The following NPM2 variants were observed in gnomAD, a reference collection of about 807,000 sequenced individuals.
The protein encoded by NPM2 is nucleophosmin/nucleoplasmin 2, also known as nucleoplasmin-2.
A neutral mutation model predicts 32.0 loss-of-function variants in NPM2; 25 were observed. The ratio of observed to expected loss-of-function variants is 0.78; its 90% CI spans 0.57 to 1.09. The LOEUF is 1.09. Among genes scored for constraint, NPM2 ranks in the 50% least tolerant of loss-of-function variants. The pLI, the probability that NPM2 is intolerant of heterozygous loss-of-function variation, is 0.00. For missense variants in NPM2, 282 were observed against 259.9 expected (o/e 1.08, Z -0.58); for synonymous variants, 111 against 94.2 (o/e 1.18, Z -1.04).
intron 5 of NPM2, among the ~76,000 whole-genome samples, chr8:22,030,448 C>G (rs926030797): frequency 7.2e-5 from 11 of 151,868 alleles, no homozygotes; most frequent in African/African-American, 2.7e-4. Flanking sequence ...CTATGTTATC[C>G]AGGCTGGTTT....
intron 8 of NPM2, 168 bp from the exon 9 acceptor site, chr8:22,036,325 C>T: frequency 1.7e-6 from 1 of 595,910 alleles, no homozygotes; most frequent in Non-Finnish European, 3.0e-6. Flanking sequence ...TATGCGTATG[C>T]ATGCACACGC....
intron 5 of NPM2, among the ~76,000 whole-genome samples, chr8:22,031,695 C>G (rs553805974): frequency 9.2e-5 from 14 of 152,326 alleles, no homozygotes; most frequent in African/African-American, 3.4e-4. Flanking sequence ...ATCCGCCTGC[C>G]TTGGCCTCCC....
chr8:22,026,153 T>C (rs1800244877), intron 5 of NPM2, among the ~76,000 whole-genome samples: 1 of 152,086 alleles, frequency 6.6e-6, no homozygotes, highest in South Asian at 2.1e-4. Flanking sequence ...AACCCTATGG[T>C]AAGCTGTGCG....
At chr8:22,033,625 C>T (rs970377316) in intron 6 of NPM2, among the ~76,000 whole-genome samples, 5 of 152,180 alleles carry the variant, frequency 3.3e-5, no homozygotes, top group African/African-American at 1.2e-4. Flanking sequence ...CTTCAAGGTC[C>T]CTTCAACTGG....
intron 3 of NPM2, 52 bp downstream of exon 3, chr8:22,025,358 C>A (rs770967313): frequency 6.2e-7 from 1 of 1,600,350 alleles, no homozygotes; most frequent in East Asian, 2.2e-5. Flanking sequence ...CTCCGGTGCG[C>A]GGCAGCTTGG....
rs1800151425 is a variant in NPM2 at position 22,024,223 on chromosome 8, C to T, written c.-541C>T. 6.6e-6 allele frequency: 1 copy of T among 152,488 alleles called. No individual in the cohort carries two copies. Among genetic ancestry groups the T allele is most frequent in the Non-Finnish European group, 1.5e-5 (1 of 68,182 alleles). 9.4% of individuals were successfully genotyped at this position (152,488 alleles called of 1,614,324 possible). Reference sequence around the variant, plus strand: ...CGCTGCGGCTCTCCGCGGGAGATCTCACCGTTCTGGAGACAGGGCTCGCTC... The same window carrying T: ...CGCTGCGGCTCTCCGCGGGAGATCTTACCGTTCTGGAGACAGGGCTCGCTC... On this transcript the variant is annotated 5_prime_UTR_variant, in exon 1 of 10. Coordinates refer to ENST00000518119, the MANE Select transcript of NPM2 (RefSeq NM_001286680.2).
rs1800171945 is a variant in NPM2, at chr8:22,024,715, C to G, written c.-140-9C>G. ...CGACTAATTGGACACCTGCCCTTCCCCTTCCCAGGCTTCTTAGCCCGGGCT... is the reference window on the plus strand; with the variant it reads ...CGACTAATTGGACACCTGCCCTTCCGCTTCCCAGGCTTCTTAGCCCGGGCT... On this transcript the variant is annotated splice_polypyrimidine_tract_variant and intron_variant, in intron 1 of 9. Transcript: ENST00000518119. 1 of 152,812 alleles carries G rather than the reference C, an allele frequency of 6.5e-6. No individual in the cohort carries two copies. The allele number at this position is 152,812 out of a possible 1,614,324, so 9.5% of individuals were successfully genotyped here.
chr8:22,025,758 T>C lies in NPM2; in HGVS notation c.256T>C (p.Ser86Pro). ...GGTCACCATTGCCTCACTCCAGGCC[T>C]CAGTCCTCCCCATGGTGCGCATTTC... ...QPVTIASLQA[S>P]VLPMVSMVGV... Residue 86 changes from serine to proline, a missense_variant, in exon 5 of 10, where the codon TCA becomes CCA. Physicochemically the swap from Ser to Pro is moderately conservative, Grantham distance 74 (BLOSUM62 -1). Coordinates refer to ENST00000518119, the MANE Select transcript of NPM2 (RefSeq NM_001286680.2). 6.2e-7 allele frequency: 1 copy of C among 1,614,086 alleles called. No individual in the cohort carries two copies. Among genetic ancestry groups the C allele is most frequent in the Non-Finnish European group, 8.5e-7 (1 of 1,180,000 alleles).
At chr8:22,033,517 G>T (rs1390060940) in intron 6 of NPM2, among the ~76,000 whole-genome samples, 1 of 152,120 alleles carries the variant, frequency 6.6e-6, no homozygotes, top group African/African-American at 2.4e-5. Flanking sequence ...CCAGCACTAG[G>T]GAACCACTGT....
At chr8:22,033,264 T>G in intron 6 of NPM2, 41 bp downstream of exon 6, 1 of 1,491,650 alleles carries the variant, frequency 6.7e-7, no homozygotes. Flanking sequence ...GTGAGTACCG[T>G]GCTAGGCAGG....
Position 22,025,640 on chromosome 8 carries a change from C to T in NPM2, c.145-7C>T, listed in dbSNP as rs533489459. ...GATGAGGGGCCTCTATTTTCAACCCCGCTCAGATTTGCTTGGGGGAGAAAG... is the reference window on the plus strand; with the variant it reads ...GATGAGGGGCCTCTATTTTCAACCCTGCTCAGATTTGCTTGGGGGAGAAAG... On this transcript the variant is annotated splice_region_variant and splice_polypyrimidine_tract_variant and intron_variant, in intron 4 of 9. Coordinates refer to ENST00000518119, the MANE Select transcript of NPM2 (RefSeq NM_001286680.2). The T allele has an allele frequency of 6.8e-6, 11 of 1,614,190 alleles. No homozygotes were observed. The East Asian group carries it at 2.0e-4, about 29-fold the overall frequency.
chr8:22,034,525 AAAG>A lies in NPM2; in HGVS notation c.555_557del (p.Glu187del), dbSNP rs770395794. The A allele has an allele frequency of 2.2e-5, 36 of 1,612,300 alleles. 1 individual carries two copies. The African/African-American group carries it at 2.9e-4, about 13-fold the overall frequency. On this transcript the variant is annotated inframe_deletion, in exon 8 of 10. Transcript: ENST00000518119. ...TGGTTCCCAGAAAAAAAAGCTGGAA[AAAG>A]AAGAAGAGGAAATAAGGTAACTCTT...
chr8:22,031,966 T>G (rs1227100775), intron 5 of NPM2, among the ~76,000 whole-genome samples: 1 of 152,254 alleles, frequency 6.6e-6, no homozygotes, highest in African/African-American at 2.4e-5. Flanking sequence ...ACATCCTCTC[T>G]GGCATTTCTA....
Position 22,036,619 on chromosome 8 carries a change from C to G in NPM2, c.601-19C>G. On this transcript the variant is annotated intron_variant, in intron 9 of 9. Coordinates refer to ENST00000518119, the MANE Select transcript of NPM2 (RefSeq NM_001286680.2). ...TGGAGAAGGGAACGGGACCCTGGAG[C>G]CCTGCCTTCCCTCCACAGGCCAAAG... 6.4e-7 allele frequency: 1 copy of G among 1,552,148 alleles called. No homozygotes were observed. Among genetic ancestry groups the G allele is most frequent in the Non-Finnish European group, 8.7e-7 (1 of 1,147,464 alleles).
chr8:22,027,352 C>T (rs1038475248), intron 5 of NPM2, among the ~76,000 whole-genome samples: 1 of 152,156 alleles, frequency 6.6e-6, no homozygotes, highest in Non-Finnish European at 1.5e-5. Flanking sequence ...CAGGCGATCT[C>T]ATCCTTTCCT....
intron 5 of NPM2, among the ~76,000 whole-genome samples, chr8:22,026,579 G>A (rs531270882): frequency 3.3e-5 from 5 of 150,532 alleles, no homozygotes; most frequent in African/African-American, 4.9e-5. Context: ...CTCAGCCTTC[G>A]GAGTAGCTGG....
At chr8:22,032,415 C>T (rs923355074) in intron 5 of NPM2, among the ~76,000 whole-genome samples, 2 of 152,166 alleles carry the variant, frequency 1.3e-5, no homozygotes, top group African/African-American at 4.8e-5. Context: ...GTGCCTCCCA[C>T]AAACCTGGTT....
chr8:22,026,714 C>T (rs538678767), intron 5 of NPM2, among the ~76,000 whole-genome samples: 7 of 152,258 alleles, frequency 4.6e-5, no homozygotes, highest in African/African-American at 1.7e-4. Context: ...CTTGGCCTCC[C>T]GAAGTGCTGG....
rs142852114 is a variant in NPM2, at chr8:22,025,520, C to T, written c.143C>T (p.Thr48Met). 216 of 1,613,958 alleles carry T rather than the reference C, an allele frequency of 1.3e-4. No individual in the cohort carries two copies. In the African/African-American group the frequency reaches 1.9e-3, roughly 14 times the overall value. Reference protein sequence around the residue: ...GKQSCRLLLHTICLGEKAKEE... With the variant: ...GKQSCRLLLHMICLGEKAKEE... ...CAGAGCTGCAGGCTGTTGCTTCATA[C>T]GGTAGGTGTTCCCAAAAGAGGGGAG... The change falls in exon 4 of 10, where the codon ACG becomes ATG. Residue 48 changes from threonine (T) to methionine (M), a missense_variant and splice_region_variant. Physicochemically the swap from Thr to Met is moderately conservative, Grantham distance 81. Coordinates refer to ENST00000518119, the MANE Select transcript of NPM2 (RefSeq NM_001286680.2).
Sources: allele counts gnomAD v4.1 joint callset (sites outside exome capture counted in the v4.1 genomes callset), GRCh38; gene constraint gnomAD v4.1.1; transcripts MANE v1.5; gene names NCBI Gene and HGNC (gene_info 2026-07-23, HGNC 2026-07-21).